Variants in SHROOM3 observed in about 807,000 individuals in gnomAD.
SHROOM3 encodes the protein protein Shroom3.
Under a neutral mutation model 138.6 loss-of-function variants are expected in SHROOM3, and 47 were observed. The ratio of observed to expected loss-of-function variants is 0.34; its 90% CI spans 0.27 to 0.43. The LOEUF (loss-of-function observed/expected upper bound fraction) is 0.43. Ranked by LOEUF, SHROOM3 falls within the 20% of genes least tolerant of loss-of-function variation. The probability of loss-of-function intolerance (pLI) is 1.00; values close to 1 mark genes in which losing one functional copy is unlikely to be tolerated. For synonymous variants in SHROOM3, 1,062 were observed against 1,063.3 expected, an observed-to-expected ratio of 1.00 and a Z score of 0.02; for missense variants, 2,491 against 2,596.5, an observed-to-expected ratio of 0.96 and a Z score of 0.88.
chr4:76,716,390 G>A (rs769984968), intron 3 of SHROOM3: 1 of 518,992 alleles, frequency 1.9e-6, no homozygotes, highest in Middle Eastern at 3.2e-4. Context: ...TGCTATCTGG[G>A]ATGTTTCTAT....
At chr4:76,685,851 A>T (rs183644233) in intron 2 of SHROOM3, among the ~76,000 whole-genome samples, 62 of 152,204 alleles carry the variant, frequency 4.1e-4, no homozygotes, top group Non-Finnish European at 8.4e-4. Flanking sequence ...TGTGGTATGC[A>T]CCTGTAATCC....
intron 1 of SHROOM3, among the ~76,000 whole-genome samples, chr4:76,537,368 AG>A (rs1181963229): frequency 3.3e-5 from 5 of 152,210 alleles, no homozygotes; most frequent in African/African-American, 9.6e-5. Flanking sequence ...CTTGAAGGCC[AG>A]TAAAAGTACT....
intron 2 of SHROOM3, among the ~76,000 whole-genome samples, chr4:76,633,667 AAAAAAAAAAAAG>A (rs1386223546): frequency 7.3e-5 from 11 of 150,792 alleles, no homozygotes; most frequent in African/African-American, 2.2e-4. Flanking sequence ...AAAAAAAAAA[AAAAAAAAAAAAG>A]AAAAGAAATT....
chr4:76,620,091 A>AAAAAAAAAG lies in SHROOM3; in HGVS notation c.323+64330_323+64331insAAAAAAGAA, dbSNP rs749696462. ...ATCTCAAAAAAAAAAAAAAAAAAAA[A>AAAAAAAAAG]AAGAAGAAAAGAAAAAGAAACAATA... On this transcript the variant is annotated intron_variant, in intron 2 of 10. Transcript: ENST00000296043. 1.1e-3 allele frequency among the ~76,000 whole-genome samples: 150 copies of AAAAAAAAAG among 135,306 alleles called. 1 individual carries two copies. Among genetic ancestry groups the AAAAAAAAAG allele is most frequent in the Non-Finnish European group, 1.5e-3 (97 of 65,490 alleles). 88.8% of individuals were successfully genotyped at this position (135,306 alleles called of 152,430 possible). A position where few individuals can be genotyped will look rare whatever the true frequency, so the allele number is the denominator to read the frequency against.
intron 1 of SHROOM3, among the ~76,000 whole-genome samples, chr4:76,532,068 C>T (rs1196283580): frequency 1.4e-5 from 2 of 141,456 alleles, no homozygotes; most frequent in Non-Finnish European, 3.0e-5. Flanking sequence ...TCCCCCCATC[C>T]CATGACAGGC....
At chr4:76,606,081 T>G (rs1213746818) in intron 2 of SHROOM3, among the ~76,000 whole-genome samples, 1 of 141,902 alleles carries the variant, frequency 7.0e-6, no homozygotes, top group African/African-American at 2.6e-5. Flanking sequence ...TGGTGCAATC[T>G]CGGCTCACTG....
intron 2 of SHROOM3, chr4:76,688,213 T>TA (rs1399540582): frequency 5.5e-6 from 1 of 181,732 alleles, no homozygotes; most frequent in Non-Finnish European, 1.1e-5. Flanking sequence ...CTGCTTGTGA[T>TA]ACCATAGGTA....
At chr4:76,776,616 T>C (rs1722579597) in intron 10 of SHROOM3, among the ~76,000 whole-genome samples, 1 of 152,246 alleles carries the variant, frequency 6.6e-6, no homozygotes, top group Non-Finnish European at 1.5e-5. Flanking sequence ...GTTTAATTTC[T>C]GTTGTGCAAA....
chr4:76,589,234 A>G (rs1468125145), intron 2 of SHROOM3, among the ~76,000 whole-genome samples: 1 of 152,188 alleles, frequency 6.6e-6, no homozygotes, highest in Non-Finnish European at 1.5e-5. Context: ...TTGGGAGGCC[A>G]AGGTGGGCAG....
At chr4:76,552,037 A>AT (rs113901271) in intron 1 of SHROOM3, among the ~76,000 whole-genome samples, 69,511 of 142,244 alleles carry the variant, frequency 0.49, 17,641 homozygotes, top group African/African-American at 0.59. Flanking sequence ...AATTTTTTGT[A>AT]TCTTTAGTAG....
intron 2 of SHROOM3, among the ~76,000 whole-genome samples, chr4:76,598,070 G>T (rs1734426409): frequency 6.7e-6 from 1 of 149,696 alleles, no homozygotes; most frequent in African/African-American, 2.5e-5. Context: ...CTGTTGCCCA[G>T]GCTGGGGTGC....
rs114407278 is a variant in SHROOM3, at chr4:76,648,178, A to G, written c.324-61978A>G. On this transcript the variant is annotated intron_variant, in intron 2 of 10. Transcript: ENST00000296043. ...CCCTGTCTCTGCAAAAAATTAAAAAATTACCCAGGCATGGTGGTGCGTACC... is the reference window on the plus strand; with the variant it reads ...CCCTGTCTCTGCAAAAAATTAAAAAGTTACCCAGGCATGGTGGTGCGTACC... Among the ~76,000 whole-genome samples, 1,109 of 151,860 alleles carry G rather than the reference A, an allele frequency of 7.3e-3. 10 individuals carry two copies. Among genetic ancestry groups the G allele is most frequent in the African/African-American group, 0.026 (1,065 of 41,402 alleles).
At chr4:76,452,294 G>C (rs1364242708) in intron 1 of SHROOM3, among the ~76,000 whole-genome samples, 1 of 152,082 alleles carries the variant, frequency 6.6e-6, no homozygotes, top group Admixed American at 6.5e-5. Flanking sequence ...CATTCACATT[G>C]TGTGCACTTA....
In SHROOM3 at chr4:76,436,986, T is replaced by G. The variant is rs541785822; in HGVS notation, c.168+766T>G. ...AGATTATAATGGCTTTTCACACATG[T>G]GCATTCATCAAGAAACATTTGTAAT... On this transcript the variant is annotated intron_variant, in intron 1 of 10. Transcript: ENST00000296043. Among the ~76,000 whole-genome samples the G allele has an allele frequency of 5.3e-5, 8 of 152,364 alleles. No individual in the cohort carries two copies. The East Asian group carries it at 1.2e-3, about 22-fold the overall frequency.
chr4:76,522,029 T>A (rs542131582), intron 1 of SHROOM3, among the ~76,000 whole-genome samples: 1 of 152,028 alleles, frequency 6.6e-6, no homozygotes, highest in South Asian at 2.1e-4. Flanking sequence ...GGGCAACATA[T>A]TAAACAATTA....
chr4:76,639,482 G>C, intron 2 of SHROOM3: 1 of 397,468 alleles, frequency 2.5e-6, no homozygotes, highest in Non-Finnish European at 4.4e-6. Context: ...CTCTGAGTGC[G>C]TGGTGAGTAA....
intron 2 of SHROOM3, among the ~76,000 whole-genome samples, chr4:76,563,391 T>TA (rs1417781751): frequency 6.6e-6 from 1 of 152,150 alleles, no homozygotes; most frequent in African/African-American, 2.4e-5. Flanking sequence ...TGGGATTTTG[T>TA]AAAAAAGGCC....
chr4:76,623,407 G>A (rs1735050981), intron 2 of SHROOM3, among the ~76,000 whole-genome samples: 1 of 152,190 alleles, frequency 6.6e-6, no homozygotes, highest in Non-Finnish European at 1.5e-5. Context: ...GAGCCAGTCT[G>A]TCTGCCTGGT....
Position 76,567,056 on chromosome 4 carries a change from G to A in SHROOM3, c.323+11293G>A, listed in dbSNP as rs79158572. Among the ~76,000 whole-genome samples, 1,520 of 152,266 alleles carry A rather than the reference G, an allele frequency of 1.0e-2. 36 individuals carry two copies. The highest frequency in any genetic ancestry group is 0.035 in the African/African-American group (1,442 of 41,558). On this transcript the variant is annotated intron_variant, in intron 2 of 10. Transcript: ENST00000296043. The stretch of plus-strand genomic sequence containing the variant: ...CAGTTTGTCAGTGCATTTGAAAAAC[G>A]CAATTTTTCTACTCCCCTCTTATTC...
Sources: allele counts gnomAD v4.1 joint callset (sites outside exome capture counted in the v4.1 genomes callset), GRCh38; gene constraint gnomAD v4.1.1; transcripts MANE v1.5; gene names NCBI Gene and HGNC (gene_info 2026-07-23, HGNC 2026-07-21).